The following PCDH15 variants were observed in gnomAD, a reference collection of about 807,000 sequenced individuals.
The protein encoded by PCDH15 is protocadherin-15.
A neutral mutation model predicts 178.5 loss-of-function variants in PCDH15; 129 were observed. The observed-to-expected ratio is 0.72, with a 90% CI of 0.63 to 0.84. PCDH15 has a LOEUF of 0.84. PCDH15 is among the 40% of genes least tolerant of loss of function. The pLI is 0.00. For synonymous variants in PCDH15, 800 were observed against 732.0 expected (o/e 1.09, Z -1.50); for missense variants, 2,230 against 2,099.9 (o/e 1.06, Z -1.21).
intron 5 of PCDH15, among the ~76,000 whole-genome samples, chr10:54,355,342 A>C (rs996334029): frequency 6.6e-6 from 1 of 152,030 alleles, no homozygotes; most frequent in Non-Finnish European, 1.5e-5. Flanking sequence ...TATGTATCTC[A>C]TTAAAGATAA....
intron 2 of PCDH15, among the ~76,000 whole-genome samples, chr10:55,434,611 AT>A (rs5785130): frequency 5.4e-5 from 8 of 148,380 alleles, no homozygotes; most frequent in Admixed American, 1.3e-4. Context: ...CATGACATTA[AT>A]TTTTTTTTTT....
intron 2 of PCDH15, among the ~76,000 whole-genome samples, chr10:54,972,720 G>A (rs571074220): frequency 6.6e-6 from 1 of 151,000 alleles, no homozygotes; most frequent in South Asian, 2.1e-4. Flanking sequence ...GTGGTGGCAC[G>A]TGCCTGTAGT....
intron 2 of PCDH15, among the ~76,000 whole-genome samples, chr10:55,410,612 C>G (rs1838308397): frequency 6.6e-6 from 1 of 152,046 alleles, no homozygotes; most frequent in Admixed American, 6.6e-5. Context: ...GAAGAAATCC[C>G]AGATAATACA....
chr10:54,881,359 A>G (rs1446497515), intron 3 of PCDH15, among the ~76,000 whole-genome samples: 1 of 152,030 alleles, frequency 6.6e-6, no homozygotes, highest in African/African-American at 2.4e-5. Flanking sequence ...GTCTCTATAG[A>G]GTTTTTCAGA....
At chr10:55,603,212 C>T (rs529188484) in intron 2 of PCDH15, among the ~76,000 whole-genome samples, 18 of 151,904 alleles carry the variant, frequency 1.2e-4, no homozygotes, top group East Asian at 3.9e-4. Context: ...GAAACAGAAA[C>T]GAGCAAAGCC....
chr10:54,002,848 G>A (rs755443920), intron 20 of PCDH15, among the ~76,000 whole-genome samples: 3 of 152,138 alleles, frequency 2.0e-5, no homozygotes, highest in Non-Finnish European at 4.4e-5. Flanking sequence ...AAAGAAAGGG[G>A]AGGGGGTAAC....
chr10:54,705,350 GTT>G (rs1230734341), intron 1 of PCDH15, among the ~76,000 whole-genome samples: 1 of 151,936 alleles, frequency 6.6e-6, no homozygotes, highest in Non-Finnish European at 1.5e-5. Context: ...ATCCATATCA[GTT>G]ATTTCCAGAA....
chr10:53,809,144 C>T (rs1467453189), intron 37 of PCDH15: 2 of 1,613,912 alleles, frequency 1.2e-6, no homozygotes, highest in Non-Finnish European at 1.7e-6. Context: ...GTGGAACTCT[C>T]CTCCTCCTCA....
At chr10:55,535,131 C>T (rs1841543567) in intron 2 of PCDH15, among the ~76,000 whole-genome samples, 1 of 151,716 alleles carries the variant, frequency 6.6e-6, no homozygotes, top group South Asian at 2.1e-4. Flanking sequence ...GTAATATACC[C>T]ATGTAATAAA....
At chr10:53,877,246 A>T (rs549230981) in intron 26 of PCDH15, among the ~76,000 whole-genome samples, 82 of 152,262 alleles carry the variant, frequency 5.4e-4, no homozygotes, top group Admixed American at 7.8e-4. Context: ...TAATAAAATG[A>T]TTATACCTCC....
rs573885526 is a variant in PCDH15 at position 54,381,180 on chromosome 10, A to AT, written c.158-2239dup. Among the ~76,000 whole-genome samples, 619 of 152,172 alleles carry AT rather than the reference A, an allele frequency of 4.1e-3. 3 individuals carry two copies. The highest frequency in any genetic ancestry group is 4.8e-3 in the Non-Finnish European group (328 of 67,986). On this transcript the variant is annotated intron_variant, in intron 3 of 37. Coordinates refer to ENST00000644397, the MANE Select transcript of PCDH15 (RefSeq NM_001384140.1). ...ACATGATACAAGGAGCAATATACAT[A>AT]TTTTTTAAAAATTAACCTAAGTGTT... is the stretch of plus-strand genomic sequence containing the variant.
At chr10:55,436,681 G>T (rs548924423) in intron 2 of PCDH15, among the ~76,000 whole-genome samples, 3 of 151,986 alleles carry the variant, frequency 2.0e-5, no homozygotes, top group Non-Finnish European at 4.4e-5. Flanking sequence ...TAAATCTACC[G>T]ATATTAATTG....
At chr10:54,275,204 T>G (rs1031191160) in intron 8 of PCDH15, among the ~76,000 whole-genome samples, 1 of 151,778 alleles carries the variant, frequency 6.6e-6, no homozygotes, top group Admixed American at 6.6e-5. Flanking sequence ...AAAAAATATA[T>G]ATATACGTTA....
intron 2 of PCDH15, among the ~76,000 whole-genome samples, chr10:55,113,425 A>AC (rs895892118): frequency 3.9e-5 from 6 of 152,148 alleles, no homozygotes; most frequent in Admixed American, 6.5e-5. Context: ...AAAAAAAAAA[A>AC]AGGAAGAATT....
At chr10:53,883,634 T>C (rs1202855997) in intron 26 of PCDH15, among the ~76,000 whole-genome samples, 1 of 152,204 alleles carries the variant, frequency 6.6e-6, no homozygotes, top group Non-Finnish European at 1.5e-5. Flanking sequence ...TACACATCTA[T>C]AAATTGTTGT....
intron 3 of PCDH15, among the ~76,000 whole-genome samples, chr10:54,408,052 C>CAA (rs71461239): frequency 0.01 from 851 of 83,650 alleles, 15 homozygotes; most frequent in Non-Finnish European, 0.013. Flanking sequence ...GAGACTCTGT[C>CAA]AAAAAAAAAA....
At chr10:54,940,186 C>T (rs1838024775) in intron 2 of PCDH15, among the ~76,000 whole-genome samples, 1 of 152,014 alleles carries the variant, frequency 6.6e-6, no homozygotes, top group East Asian at 1.9e-4. Flanking sequence ...ATATAAATTT[C>T]ATTCTAAGCA....
intron 2 of PCDH15, among the ~76,000 whole-genome samples, chr10:55,109,571 C>G (rs963516704): frequency 6.6e-6 from 1 of 152,078 alleles, no homozygotes; most frequent in South Asian, 2.1e-4. Flanking sequence ...TACCTCCATT[C>G]TACTATAAAA....
At chr10:54,221,707 A>C (rs537697137) in intron 9 of PCDH15, among the ~76,000 whole-genome samples, 3 of 151,716 alleles carry the variant, frequency 2.0e-5, no homozygotes. Context: ...AGTTGAAGCA[A>C]TTCTCCCGCC....
Sources: gnomAD v4.1 joint callset for allele counts (sites outside exome capture counted in the v4.1 genomes callset) on GRCh38, gnomAD v4.1.1 for gene constraint, MANE v1.5 for transcripts, NCBI Gene and HGNC (gene_info 2026-07-23, HGNC 2026-07-21) for gene names.